The following ITGA1 variants were observed in gnomAD, a reference collection of about 807,000 sequenced individuals.
ITGA1 encodes the protein integrin alpha-1.
ITGA1 carries 85 observed loss-of-function variants against 145.9 expected under a neutral mutation model. The ratio of observed to expected loss-of-function variants is 0.58; its 90% CI spans 0.49 to 0.70. ITGA1 has a LOEUF of 0.70. ITGA1 is among the 30% of genes least tolerant of loss of function. The pLI, the probability that ITGA1 is intolerant of heterozygous loss-of-function variation, is 0.00. For synonymous variants in ITGA1, 520 were observed against 495.3 expected, an observed-to-expected ratio of 1.05 and a Z score of -0.66; for missense variants, 1,351 against 1,418.7, an observed-to-expected ratio of 0.95 and a Z score of 0.77.
intron 1 of ITGA1, among the ~76,000 whole-genome samples, chr5:52,790,131 G>A (rs73092763): frequency 6.6e-6 from 1 of 151,950 alleles, no homozygotes; most frequent in East Asian, 1.9e-4. Flanking sequence ...TGTAACCTGG[G>A]GACTCATCAC....
intron 22 of ITGA1, 32 bp from the exon 23 acceptor site, chr5:52,933,862 T>G: frequency 9.4e-7 from 1 of 1,069,116 alleles, no homozygotes; most frequent in Non-Finnish European, 1.3e-6. Context: ...AACTTTGTTA[T>G]GTTTTATTTT....
At chr5:52,900,457 G>T (rs1750296851) in intron 11 of ITGA1, among the ~76,000 whole-genome samples, 2 of 152,108 alleles carry the variant, frequency 1.3e-5, no homozygotes, top group South Asian at 4.1e-4. Context: ...ATTTAAGAAT[G>T]CCAAGTGAAC....
At chr5:52,942,810 G>A (rs962801187) in intron 26 of ITGA1, among the ~76,000 whole-genome samples, 11 of 151,766 alleles carry the variant, frequency 7.2e-5, no homozygotes, top group Non-Finnish European at 1.5e-4. Context: ...CAAAGTGCTG[G>A]GATTACAGGC....
Position 52,908,901 on chromosome 5 carries a change from G to C in ITGA1, c.1459G>C (p.Gly487Arg), listed in dbSNP as rs1750452787. ...TTTGTTTCATTTTGTGTCCTAGATT[G>C]GTTCCTACTTTGGCAGTATTTTAAC... ...ILQTLSGEQI[G>R]SYFGSILTTT... Residue 487 changes from glycine to arginine, a missense_variant, in exon 13 of 29, where the codon GGT (glycine) becomes CGT (arginine). By Grantham distance (125) the Gly-to-Arg change is moderately radical. Transcript: ENST00000282588. The C allele has an allele frequency of 2.5e-6, 4 of 1,613,428 alleles. No homozygotes were observed. Among genetic ancestry groups the C allele is most frequent in the Non-Finnish European group, 3.4e-6 (4 of 1,179,644 alleles).
chr5:52,794,310 T>C lies in ITGA1; in HGVS notation c.61+5896T>C, dbSNP rs1748297480. Among the ~76,000 whole-genome samples, 3 of 152,000 alleles carry C rather than the reference T, an allele frequency of 2.0e-5. No individual in the cohort carries two copies. In the South Asian group the frequency reaches 6.2e-4, roughly 31 times the overall value. On this transcript the variant is annotated intron_variant, in intron 1 of 28. Coordinates refer to ENST00000282588, the MANE Select transcript of ITGA1 (RefSeq NM_181501.2). ...GGTTTATATATTTTGTTACAAATCATATATCCTTACTACAAATTAAATGTA... is the reference window on the plus strand; with the variant it reads ...GGTTTATATATTTTGTTACAAATCACATATCCTTACTACAAATTAAATGTA...
chr5:52,862,841 C>T (rs577889577), intron 3 of ITGA1, among the ~76,000 whole-genome samples: 25 of 152,088 alleles, frequency 1.6e-4, no homozygotes, highest in Admixed American at 2.6e-4. Context: ...AAGTTTATTT[C>T]ACATATTGTA....
In ITGA1 at chr5:52,939,666, A is replaced by G. The variant is rs770513093; in HGVS notation, c.3155A>G (p.Asp1052Gly). Residue 1052 changes from aspartate to glycine, a missense_variant, in exon 25 of 29, where the codon GAC (aspartate) becomes GGC (glycine). Transcript: ENST00000282588. ...GGAAAGAAAATGACTACATCAACTG[A>G]CCATCTCAAACGAGGCACAATTCTG... The part of the protein sequence containing the change: ...NSGKKMTTST[D>G]HLKRGTILDC... 1 of 1,612,666 alleles carries G rather than the reference A, an allele frequency of 6.2e-7. No individual in the cohort carries two copies. Among genetic ancestry groups the G allele is most frequent in the Non-Finnish European group, 8.5e-7 (1 of 1,178,772 alleles).
intron 23 of ITGA1, among the ~76,000 whole-genome samples, chr5:52,936,883 C>G (rs947337033): frequency 1.3e-5 from 2 of 149,616 alleles, no homozygotes; most frequent in African/African-American, 4.9e-5. Flanking sequence ...TGAAGGGAAG[C>G]AGATGGGAGT....
intron 6 of ITGA1, among the ~76,000 whole-genome samples, chr5:52,871,092 A>G (rs1398416639): frequency 6.6e-6 from 1 of 152,194 alleles, no homozygotes; most frequent in African/African-American, 2.4e-5. Context: ...ATCTTTCTCA[A>G]CTACAGGCTT....
intron 15 of ITGA1, among the ~76,000 whole-genome samples, chr5:52,916,499 T>C (rs186207429): frequency 6.6e-6 from 1 of 151,966 alleles, no homozygotes; most frequent in South Asian, 2.1e-4. Flanking sequence ...AAGGTGAAGA[T>C]AGAGAGGTGA....
chr5:52,911,670 GTGTATCTACTATATATACTA>G lies in ITGA1; in HGVS notation c.1857+1253_1857+1272del, dbSNP rs1271316785. 1.9e-4 allele frequency among the ~76,000 whole-genome samples: 25 copies of G among 128,744 alleles called. 2 individuals carry two copies. The highest frequency in any genetic ancestry group is 6.3e-4 in the African/African-American group (22 of 34,778). The allele number at this position is 128,744 out of a possible 152,430, so 84.5% of individuals were successfully genotyped here. On this transcript the variant is annotated intron_variant, in intron 14 of 28. Transcript: ENST00000282588. ...ATCTACTATATATACTATACATATAGTGTATCTACTATATATACTATACATATAGTGTATCTACTATATAT... is the reference window on the plus strand; with the variant it reads ...ATCTACTATATATACTATACATATAGTACATATAGTGTATCTACTATATAT...
intron 1 of ITGA1, among the ~76,000 whole-genome samples, chr5:52,838,596 A>G (rs1353017618): frequency 6.6e-6 from 1 of 152,210 alleles, no homozygotes; most frequent in Non-Finnish European, 1.5e-5. Flanking sequence ...AATATGGCAA[A>G]TAAAAAAAGA....
intron 8 of ITGA1, among the ~76,000 whole-genome samples, chr5:52,892,888 A>G (rs371613561): frequency 8.0e-4 from 121 of 152,200 alleles, no homozygotes; most frequent in African/African-American, 2.8e-3. Flanking sequence ...GGGGTGATGT[A>G]AATATTCTAC....
chr5:52,847,204 G>T (rs1749351567), intron 1 of ITGA1, among the ~76,000 whole-genome samples: 1 of 152,066 alleles, frequency 6.6e-6, no homozygotes, highest in Non-Finnish European at 1.5e-5. Flanking sequence ...GGGAGGTCAA[G>T]AAAGACTTTA....
intron 2 of ITGA1, among the ~76,000 whole-genome samples, chr5:52,858,697 A>G (rs921268843): frequency 3.9e-5 from 6 of 152,148 alleles, no homozygotes; most frequent in Non-Finnish European, 1.5e-5. Context: ...AATAATCGTA[A>G]CCTCATTAAT....
chr5:52,946,367 G>C (rs1751135208), intron 27 of ITGA1, among the ~76,000 whole-genome samples: 1 of 152,134 alleles, frequency 6.6e-6, no homozygotes, highest in African/African-American at 2.4e-5. Flanking sequence ...AACCCCATCT[G>C]TGTTTTGTTT....
At chr5:52,907,262 T>C (rs1292314088) in intron 12 of ITGA1, among the ~76,000 whole-genome samples, 1 of 152,062 alleles carries the variant, frequency 6.6e-6, no homozygotes, top group Non-Finnish European at 1.5e-5. Context: ...CGCATAACAG[T>C]TAGAAAAAGG....
At chr5:52,808,919 A>G (rs752584127) in intron 1 of ITGA1, among the ~76,000 whole-genome samples, 2 of 151,968 alleles carry the variant, frequency 1.3e-5, no homozygotes, top group African/African-American at 2.4e-5. Context: ...TCTGATTCCA[A>G]TGTCACCTAC....
rs1750482738 is a variant in ITGA1, at chr5:52,910,259, C to T, written c.1697C>T (p.Pro566Leu). The change falls in exon 14 of 29, where the codon CCA becomes CTA. Residue 566 changes from proline (P) to leucine (L), a missense_variant. Transcript: ENST00000282588. The part of the protein sequence containing the change: ...NSCTTENKNE[P>L]CGARFGTAIA... ...TGCACAACAGAAAACAAAAATGAGC[C>T]ATGCGGGGCTCGTTTTGGAACTGCA... 1 of 1,613,924 alleles carries T rather than the reference C, an allele frequency of 6.2e-7. No homozygotes were observed. Among genetic ancestry groups the T allele is most frequent in the Non-Finnish European group, 8.5e-7 (1 of 1,179,930 alleles).
Sources: allele counts gnomAD v4.1 joint callset (sites outside exome capture counted in the v4.1 genomes callset), GRCh38; gene constraint gnomAD v4.1.1; transcripts MANE v1.5; gene names NCBI Gene and HGNC (gene_info 2026-07-23, HGNC 2026-07-21).